MIDN: variants seen among roughly 807,000 people sequenced by gnomAD.
MIDN encodes the protein midbrain nucleolar protein.
In MIDN, 26 loss-of-function variants were observed where a neutral mutation model predicts 46.1. That is an observed-to-expected ratio of 0.56 (90% CI 0.41 to 0.78). MIDN has a LOEUF of 0.78. Among genes scored for constraint, MIDN ranks in the 30% least tolerant of loss-of-function variants. The pLI, the probability that MIDN is intolerant of heterozygous loss-of-function variation, is 0.00. For missense variants in MIDN, 850 were observed against 771.8 expected, an observed-to-expected ratio of 1.10 and a Z score of -1.20; for synonymous variants, 432 against 343.3, an observed-to-expected ratio of 1.26 and a Z score of -2.86.
In MIDN at chr19:1,254,474, C is replaced by T. The variant is rs761507139; in HGVS notation, c.821C>T (p.Pro274Leu). 4.4e-5 allele frequency: 69 copies of T among 1,552,450 alleles called. No individual in the cohort carries two copies. The highest frequency in any genetic ancestry group is 9.4e-5 in the South Asian group (8 of 85,156). Residue 274 changes from proline (P) to leucine (L), a missense_variant, in exon 6 of 9, where the codon CCG becomes CTG. By Grantham distance (98) the Pro-to-Leu change is moderately conservative. Coordinates refer to ENST00000682408, the MANE Select transcript of MIDN (RefSeq NM_001388306.1). ...TCCCACGCAGCCTCCACCACCTGCC[C>T]GGAGGTGAGCCTGGGGAAGGGAAGG... ...FRSHAASTTCPEQMDCSPTAS... is the reference protein window; with the variant it reads ...FRSHAASTTCLEQMDCSPTAS...
chr19:1,251,358 T>C, intron 2 of MIDN: 4 of 546,604 alleles, frequency 7.3e-6, no homozygotes, highest in Non-Finnish European at 1.3e-5. Flanking sequence ...AGGGAAGGGG[T>C]CCGAATCGCC....
rs757443719 is a variant in MIDN at position 1,255,449 on chromosome 19, G to A, written c.1013G>A (p.Ser338Asn). 1 of 1,600,226 alleles carries A rather than the reference G, an allele frequency of 6.2e-7. No individual in the cohort carries two copies. Among genetic ancestry groups the A allele is most frequent in the Non-Finnish European group, 8.5e-7 (1 of 1,174,246 alleles). Residue 338 changes from serine to asparagine, a missense_variant, in exon 8 of 9, where the codon AGC (serine) becomes AAC (asparagine). Coordinates refer to ENST00000682408, the MANE Select transcript of MIDN (RefSeq NM_001388306.1). Reference protein sequence around the residue: ...SGTLHPNCQDSSGRPRRDIGT... With the variant: ...SGTLHPNCQDNSGRPRRDIGT... ...ACGCTACACCCCAACTGCCAAGACA[G>A]CAGCGGGCGGCCGCGGCGTGACATC... is the stretch of plus-strand genomic sequence containing the variant.
At position 1,249,896 on chromosome 19, in the gene MIDN, C is replaced by T. The variant is rs1315417031; in HGVS notation, c.-401C>T. On this transcript the variant is annotated 5_prime_UTR_variant, in exon 2 of 9. Transcript: ENST00000682408. ...TTGTTACTTTCACCCCCAGATCCTCCGAGCGGCGGCGACGGCTGTTGCTAA... is the reference window on the plus strand; with the variant it reads ...TTGTTACTTTCACCCCCAGATCCTCTGAGCGGCGGCGACGGCTGTTGCTAA... 1.3e-5 allele frequency: 2 copies of T among 152,002 alleles called. No individual in the cohort carries two copies. Among genetic ancestry groups the T allele is most frequent in the Admixed American group, 6.5e-5 (1 of 15,276 alleles). 9.4% of individuals were successfully genotyped at this position (152,002 alleles called of 1,614,324 possible).
chr19:1,249,070 C>T (rs1280442853), intron 1 of MIDN, among the ~76,000 whole-genome samples: 2 of 151,494 alleles, frequency 1.3e-5, no homozygotes, highest in Non-Finnish European at 3.0e-5. Context: ...CCAGGCGGGC[C>T]CGGCAGAGGG....
intron 8 of MIDN, among the ~76,000 whole-genome samples, chr19:1,255,935 C>T (rs1457974654): frequency 6.6e-6 from 1 of 152,262 alleles, no homozygotes; most frequent in East Asian, 1.9e-4. Flanking sequence ...CACCCCCACC[C>T]GGGGCATCAT....
chr19:1,256,525 C>T (rs1261580872), intron 8 of MIDN, among the ~76,000 whole-genome samples: 3 of 151,882 alleles, frequency 2.0e-5, no homozygotes, highest in Non-Finnish European at 2.9e-5. Context: ...CAAGTATCTC[C>T]CCTCGGATCA....
Position 1,249,949 on chromosome 19 carries a change from C to G in MIDN, c.-348C>G, listed in dbSNP as rs898386855. ...GAGGGGACGCGCGAGGAAGCGCGAC[C>G]CGGGCGGCAGACGGCACCCAGCGCC... On this transcript the variant is annotated 5_prime_UTR_variant, in exon 2 of 9. Coordinates refer to ENST00000682408, the MANE Select transcript of MIDN (RefSeq NM_001388306.1). 31 of 152,012 alleles carry G rather than the reference C, an allele frequency of 2.0e-4. No homozygotes were observed. The highest frequency in any genetic ancestry group is 7.5e-4 in the African/African-American group (31 of 41,414). 9.4% of individuals were successfully genotyped at this position (152,012 alleles called of 1,614,324 possible). A position where few individuals can be genotyped will look rare whatever the true frequency, so the allele number is the denominator to read the frequency against.
chr19:1,258,515 CACTT>C lies in MIDN; in HGVS notation c.*1244_*1247del, dbSNP rs1336238203. ...TAGTTTTTGGATTTTTTTCCCCACTCACTTTTTATTTTTTAATGATAATGGAGAT... is the reference window on the plus strand; with the variant it reads ...TAGTTTTTGGATTTTTTTCCCCACTCTTTATTTTTTAATGATAATGGAGAT... On this transcript the variant is annotated 3_prime_UTR_variant, in exon 9 of 9. Coordinates refer to ENST00000682408, the MANE Select transcript of MIDN (RefSeq NM_001388306.1). 2 of 152,420 alleles carry C rather than the reference CACTT, an allele frequency of 1.3e-5. No homozygotes were observed. The highest frequency in any genetic ancestry group is 2.4e-5 in the African/African-American group (1 of 41,422). 9.4% of individuals were successfully genotyped at this position (152,420 alleles called of 1,614,324 possible). A position where few individuals can be genotyped will look rare whatever the true frequency, so the allele number is the denominator to read the frequency against.
chr19:1,257,451 G>A lies in MIDN; in HGVS notation c.*179G>A, dbSNP rs922176866. On this transcript the variant is annotated 3_prime_UTR_variant, in exon 9 of 9. Coordinates refer to ENST00000682408, the MANE Select transcript of MIDN (RefSeq NM_001388306.1). The stretch of plus-strand genomic sequence containing the variant: ...TTTCTTTTTTTAAAAAGTTCTGACC[G>A]TGGTTTCCTGGACTCTTCATGGGCT... The A allele has an allele frequency of 5.2e-6, 3 of 578,558 alleles. No individual in the cohort carries two copies. Among genetic ancestry groups the A allele is most frequent in the Non-Finnish European group, 9.1e-6 (3 of 329,810 alleles). 35.8% of individuals were successfully genotyped at this position (578,558 alleles called of 1,614,324 possible). A position where few individuals can be genotyped will look rare whatever the true frequency, so the allele number is the denominator to read the frequency against.
At chr19:1,252,288 A>T (rs1329219079) in intron 4 of MIDN, among the ~76,000 whole-genome samples, 1 of 151,100 alleles carries the variant, frequency 6.6e-6, no homozygotes, top group Non-Finnish European at 1.5e-5. Flanking sequence ...CCTTTTTTAC[A>T]TTTCTGCTGA....
intron 4 of MIDN, among the ~76,000 whole-genome samples, chr19:1,252,844 C>T (rs889961026): frequency 2.0e-5 from 3 of 152,036 alleles, no homozygotes; most frequent in African/African-American, 4.8e-5. Flanking sequence ...ATGGGGGTGG[C>T]CACAGCAGCA....
intron 3 of MIDN, 73 bp from the exon 4 acceptor site, chr19:1,251,766 G>A (rs2081131615): frequency 1.3e-6 from 2 of 1,535,648 alleles, no homozygotes; most frequent in East Asian, 4.6e-5. Context: ...AGCCAGCAGG[G>A]CCCTCTCCAC....
At chr19:1,255,145 C>A in intron 7 of MIDN, 84 bp downstream of exon 7, 1 of 1,471,314 alleles carries the variant, frequency 6.8e-7, no homozygotes, top group Non-Finnish European at 9.3e-7. Flanking sequence ...CAGGCGACTC[C>A]ACATATTCTG....
chr19:1,255,467 G>A lies in MIDN; in HGVS notation c.1031G>A (p.Arg344His), dbSNP rs762569175. ...CAAGACAGCAGCGGGCGGCCGCGGCGTGACATCGGCACCATCCTGCAGATC... is the reference window on the plus strand; with the variant it reads ...CAAGACAGCAGCGGGCGGCCGCGGCATGACATCGGCACCATCCTGCAGATC... ...NCQDSSGRPR[R>H]DIGTILQILN... The change falls in exon 8 of 9, where the codon CGT becomes CAT. Residue 344 changes from arginine to histidine, a missense_variant. Transcript: ENST00000682408. 6.2e-6 allele frequency: 10 copies of A among 1,608,056 alleles called. No individual in the cohort carries two copies. Among genetic ancestry groups the A allele is most frequent in the East Asian group, 2.2e-5 (1 of 44,622 alleles).
chr19:1,253,034 T>TG (rs1023751637), intron 4 of MIDN, among the ~76,000 whole-genome samples: 111 of 31,328 alleles, frequency 3.5e-3, no homozygotes, highest in African/African-American at 0.023. Flanking sequence ...GGAGCTGGGT[T>TG]GGGGGGGGCT....
At chr19:1,249,182 G>T (rs913049510) in intron 1 of MIDN, among the ~76,000 whole-genome samples, 1 of 148,788 alleles carries the variant, frequency 6.7e-6, no homozygotes, top group African/African-American at 2.4e-5. Context: ...CGGGGAAACG[G>T]GTTCTGCCCG....
rs748827351 is a variant in MIDN, at chr19:1,251,951, G to A, written c.384+50G>A. 15 of 1,534,646 alleles carry A rather than the reference G, an allele frequency of 9.8e-6. No homozygotes were observed. The South Asian group carries it at 1.7e-4, about 17-fold the overall frequency. On this transcript the variant is annotated intron_variant, in intron 4 of 8. Transcript: ENST00000682408. ...AACAGGGCAGCCCTGGGAGCAGGGT[G>A]CCTTGGCCACCGACGGGGCCTGGGG...
chr19:1,255,381 C>G (rs1568792802), intron 7 of MIDN, 41 bp from the exon 8 acceptor site: 15 of 1,539,482 alleles, frequency 9.7e-6, no homozygotes, highest in Non-Finnish European at 1.3e-5. Flanking sequence ...ACATGCGGGA[C>G]TGTGCCCGTG....
chr19:1,250,898 C>G (rs1044829000), intron 2 of MIDN, among the ~76,000 whole-genome samples: 4 of 151,912 alleles, frequency 2.6e-5, no homozygotes, highest in African/African-American at 7.2e-5. Context: ...TGGCTGTCTC[C>G]CCCCACTTGC....
Sources: allele counts gnomAD v4.1 joint callset (sites outside exome capture counted in the v4.1 genomes callset), GRCh38; gene constraint gnomAD v4.1.1; transcripts MANE v1.5; gene names NCBI Gene and HGNC (gene_info 2026-07-23, HGNC 2026-07-21).